Variants in HEXB observed in about 807,000 individuals in gnomAD.
HEXB encodes hexosaminidase subunit beta, also known as beta-hexosaminidase subunit beta.
Under a neutral mutation model 71.2 loss-of-function variants are expected in HEXB, and 51 were observed. That is an observed-to-expected ratio of 0.72 (90% CI 0.57 to 0.90). HEXB has a LOEUF of 0.90. Ranked by LOEUF, HEXB falls within the 40% of genes least tolerant of loss-of-function variation. The probability of loss-of-function intolerance (pLI) is 0.00; values close to 1 mark genes in which losing one functional copy is unlikely to be tolerated. For missense variants in HEXB, 617 were observed against 677.0 expected (o/e 0.91, Z 0.98); for synonymous variants, 266 against 249.3 (o/e 1.07, Z -0.63).
intron 8 of HEXB, 53 bp downstream of exon 8, chr5:74,715,743 G>A: frequency 2.3e-6 from 3 of 1,294,116 alleles, no homozygotes; most frequent in Non-Finnish European, 3.4e-6. Flanking sequence ...GAGGCTGGGT[G>A]CGGTGGCTCA....
chr5:74,690,931 G>T (rs1293918786), intron 2 of HEXB, among the ~76,000 whole-genome samples: 1 of 152,166 alleles, frequency 6.6e-6, no homozygotes, highest in Non-Finnish European at 1.5e-5. Flanking sequence ...GACACCATGT[G>T]AAGTAGGTTT....
upstream of HEXB, among the ~76,000 whole-genome samples, chr5:74,684,742 A>C (rs1748813294): frequency 7.1e-6 from 1 of 140,530 alleles, no homozygotes; most frequent in Non-Finnish European, 1.5e-5. Context: ...CAGTGGTGCG[A>C]TCTCGGCTCA....
At chr5:74,710,733 T>G (rs1167241081) in intron 6 of HEXB, among the ~76,000 whole-genome samples, 2 of 151,420 alleles carry the variant, frequency 1.3e-5, no homozygotes, top group South Asian at 2.1e-4. Flanking sequence ...ACAAGGGATG[T>G]GAAGGACCTC....
intron 1 of HEXB, among the ~76,000 whole-genome samples, chr5:74,685,924 C>T (rs944851482): frequency 6.6e-6 from 1 of 152,080 alleles, no homozygotes; most frequent in Non-Finnish European, 1.5e-5. Context: ...ACCCGAAGGG[C>T]TTAGACAAGC....
intron 1 of HEXB, among the ~76,000 whole-genome samples, chr5:74,678,719 A>G (rs1189423621): frequency 6.6e-6 from 1 of 152,190 alleles, no homozygotes; most frequent in Non-Finnish European, 1.5e-5. Flanking sequence ...GATCTAAAAA[A>G]AAGTTAAAAG....
intron 1 of HEXB, among the ~76,000 whole-genome samples, chr5:74,673,531 A>G (rs1247850968): frequency 6.6e-6 from 1 of 152,114 alleles, no homozygotes; most frequent in Non-Finnish European, 1.5e-5. Flanking sequence ...GTGGCTCACT[A>G]GGCATCCATC....
rs1260123635 is a variant in HEXB, at chr5:74,643,762, T to A, written c.-377+3204T>A. 2.0e-5 allele frequency among the ~76,000 whole-genome samples: 3 copies of A among 152,306 alleles called. No individual in the cohort carries two copies. The South Asian group carries it at 6.2e-4, about 32-fold the overall frequency. On this transcript the variant is annotated intron_variant, in intron 1 of 13. Coordinates refer to the HEXB transcript ENST00000511181. ...TGATTTAATTAACACGGTGCGATCATGGTACCAGGGACAGGACAGCTCAGG... is the reference window on the plus strand; with the variant it reads ...TGATTTAATTAACACGGTGCGATCAAGGTACCAGGGACAGGACAGCTCAGG...
In HEXB at chr5:74,659,637, G is replaced by A. The variant is rs556534485; in HGVS notation, c.-377+19079G>A. ...GGCCTCCAATAGAAGAAAGGTAAGCGTGAGAGCTGGAGAATAAGCCCAGCT... is the reference window on the plus strand; with the variant it reads ...GGCCTCCAATAGAAGAAAGGTAAGCATGAGAGCTGGAGAATAAGCCCAGCT... On this transcript the variant is annotated intron_variant, in intron 1 of 13. Transcript: ENST00000511181. Among the ~76,000 whole-genome samples, 72 of 152,176 alleles carry A rather than the reference G, an allele frequency of 4.7e-4. 1 individual carries two copies. The highest frequency in any genetic ancestry group is 5.1e-4 in the Non-Finnish European group (35 of 68,012).
intron 6 of HEXB, among the ~76,000 whole-genome samples, chr5:74,708,986 T>C (rs1170687962): frequency 6.6e-6 from 1 of 152,108 alleles, no homozygotes; most frequent in Non-Finnish European, 1.5e-5. Context: ...CAACAGAAGA[T>C]ACATTTTTTT....
chr5:74,671,190 A>G (rs1484042987), intron 1 of HEXB, among the ~76,000 whole-genome samples: 1 of 152,162 alleles, frequency 6.6e-6, no homozygotes, highest in African/African-American at 2.4e-5. Context: ...GTGTTCCAAG[A>G]CCCATAAAAA....
Sources: allele counts gnomAD v4.1 joint callset (sites outside exome capture counted in the v4.1 genomes callset), GRCh38; gene constraint gnomAD v4.1.1; transcripts MANE v1.5; gene names NCBI Gene and HGNC (gene_info 2026-07-23, HGNC 2026-07-21).